NRL: variants seen among roughly 807,000 people sequenced by gnomAD.
The protein encoded by NRL is neural retina leucine zipper.
Under a neutral mutation model 12.5 loss-of-function variants are expected in NRL, and 16 were observed. The observed-to-expected ratio is 1.28, with a 90% CI of 0.87 to 1.95. The LOEUF (loss-of-function observed/expected upper bound fraction) is 1.95, where lower values mean the gene tolerates loss of function less well. Ranked by LOEUF, NRL falls within the 30% of genes most tolerant of loss-of-function variation. The probability of loss-of-function intolerance (pLI) is 0.00; values close to 1 mark genes in which losing one functional copy is unlikely to be tolerated. For synonymous variants in NRL, 142 were observed against 150.9 expected, an observed-to-expected ratio of 0.94 and a Z score of 0.43; for missense variants, 314 against 325.8, an observed-to-expected ratio of 0.96 and a Z score of 0.28.
Position 24,094,143 on chromosome 14 carries a change from T to A in NRL, c.-27-11268A>T, listed in dbSNP as rs2036737335. 1 of 543,506 alleles carries A rather than the reference T, an allele frequency of 1.8e-6. No homozygotes were observed. Among genetic ancestry groups the A allele is most frequent in the Admixed American group, 3.9e-5 (1 of 25,602 alleles). 33.7% of individuals were successfully genotyped at this position (543,506 alleles called of 1,614,324 possible). ...CCAATGGGAGAGATGGGTTTGGCGG[T>A]TTGGAGGCAGGGGTTGGGGCGGCGG... On this transcript the variant is annotated intron_variant, in intron 1 of 2. Coordinates refer to ENST00000561028, the MANE Select transcript of NRL (RefSeq NM_001354768.3). The surrounding 1 kb of genome is among the most constrained non-coding windows in gnomAD (Gnocchi z 4.1).
chr14:24,081,673 C>T lies in NRL; in HGVS notation c.382-105G>A. 1 of 1,528,862 alleles carries T rather than the reference C, an allele frequency of 6.5e-7. No individual in the cohort carries two copies. Among genetic ancestry groups the T allele is most frequent in the Non-Finnish European group, 8.8e-7 (1 of 1,138,364 alleles). 94.7% of individuals were successfully genotyped at this position (1,528,862 alleles called of 1,614,324 possible). A position where few individuals can be genotyped will look rare whatever the true frequency, so the allele number is the denominator to read the frequency against. ...CCGCCCCGGGACAGCCCCGCCCCGG[C>T]TCCCACCTTCACCGGAAGGCTCGCC... On this transcript the variant is annotated intron_variant, in intron 2 of 2. Coordinates refer to ENST00000561028, the MANE Select transcript of NRL (RefSeq NM_001354768.3). The surrounding 1 kb of genome is among the most constrained non-coding windows in gnomAD (Gnocchi z 4.4).
chr14:24,098,739 C>A, intron 1 of NRL: 1 of 1,384,490 alleles, frequency 7.2e-7, no homozygotes, highest in Non-Finnish European at 1.0e-6. Context: ...GAGGAAATCC[C>A]AAATCCTACC....
At chr14:24,088,950 G>A (rs966620834) in intron 1 of NRL, among the ~76,000 whole-genome samples, 11 of 150,480 alleles carry the variant, frequency 7.3e-5, no homozygotes, top group African/African-American at 1.7e-4. Context: ...ACAGGCACCC[G>A]CCACCATGCC....
Position 24,094,887 on chromosome 14 carries a change from A to G in NRL, c.-27-12012T>C, listed in dbSNP as rs1391081770. On this transcript the variant is annotated intron_variant, in intron 1 of 2. Coordinates refer to ENST00000561028, the MANE Select transcript of NRL (RefSeq NM_001354768.3). This position sits in a 1 kb window ranked among gnomAD's most constrained non-coding sequence, Gnocchi z 4.1. ...AGACTAAGCTCAGAGCCCCCTAAAG[A>G]AGGTGGAAGGTTAAATATCCATTCC... 1 of 1,256,514 alleles carries G rather than the reference A, an allele frequency of 8.0e-7. No individual in the cohort carries two copies. The highest frequency in any genetic ancestry group is 5.5e-5 in the East Asian group (1 of 18,146). The allele number at this position is 1,256,514 out of a possible 1,614,324, so 77.8% of individuals were successfully genotyped here.
rs1013818314 is a variant in NRL at position 24,114,803 on chromosome 14, G to C, written c.-109C>G. ...TGTGACGTTTGCAGCCCGCCGGCCA[G>C]GAAGCCGCGAGATGCGTGACGAGCG... On this transcript the variant is annotated 5_prime_UTR_variant, in exon 1 of 3. Transcript: ENST00000561028. 2.0e-5 allele frequency: 20 copies of C among 985,860 alleles called. No homozygotes were observed. The highest frequency in any genetic ancestry group is 2.3e-5 in the Non-Finnish European group (19 of 829,972). 61.1% of individuals were successfully genotyped at this position (985,860 alleles called of 1,614,324 possible). A position where few individuals can be genotyped will look rare whatever the true frequency, so the allele number is the denominator to read the frequency against.
At chr14:24,099,425 G>A (rs2037058999) in intron 1 of NRL, 3 of 1,037,532 alleles carry the variant, frequency 2.9e-6, no homozygotes, top group South Asian at 1.6e-5. Context: ...ACCCAGGCCT[G>A]ATGGCAGGGC....
chr14:24,110,141 C>T (rs937410557), intron 1 of NRL, among the ~76,000 whole-genome samples: 10 of 150,382 alleles, frequency 6.6e-5, no homozygotes, highest in Admixed American at 4.6e-4. Flanking sequence ...TTCTTTGAGA[C>T]GGGGTCTCAT....
At chr14:24,091,542 G>A (rs1420244209) in intron 1 of NRL, among the ~76,000 whole-genome samples, 2 of 152,286 alleles carry the variant, frequency 1.3e-5, no homozygotes, top group South Asian at 2.1e-4. Context: ...AAAGAGCCTG[G>A]AAGAGATTTT....
intron 1 of NRL, chr14:24,098,816 C>A: frequency 1.3e-6 from 1 of 782,516 alleles, no homozygotes; most frequent in South Asian, 1.6e-5. Flanking sequence ...GCAGCAGTCC[C>A]AGCAGAGGGA....
chr14:24,090,405 C>T (rs2036589921), intron 1 of NRL, among the ~76,000 whole-genome samples: 2 of 151,952 alleles, frequency 1.3e-5, no homozygotes, highest in African/African-American at 4.8e-5. Context: ...TCAGAGTTGT[C>T]CCAAACTGAG....
chr14:24,102,965 TCCAGAGCCTCAG>T (rs1350453102), intron 1 of NRL: 1 of 1,457,298 alleles, frequency 6.9e-7, no homozygotes, highest in African/African-American at 1.4e-5. Context: ...CTCCCTCTGA[TCCAGAGCCTCAG>T]CCTGGATCTC....
chr14:24,089,229 G>A (rs957528940), intron 1 of NRL, among the ~76,000 whole-genome samples: 1 of 151,206 alleles, frequency 6.6e-6, no homozygotes, highest in South Asian at 2.1e-4. Context: ...GAGCCACTGC[G>A]CCGACCCTGA....
At chr14:24,098,003 C>A (rs2036969126) in intron 1 of NRL, among the ~76,000 whole-genome samples, 1 of 151,398 alleles carries the variant, frequency 6.6e-6, no homozygotes, top group Admixed American at 6.6e-5. Flanking sequence ...TTGCCAGGGG[C>A]AGAGACCCCC....
chr14:24,096,053 C>G (rs1342871388), intron 1 of NRL, among the ~76,000 whole-genome samples: 3 of 152,038 alleles, frequency 2.0e-5, no homozygotes, highest in Non-Finnish European at 4.4e-5. Context: ...CTTTCATAGT[C>G]TTACAGCATA....
chr14:24,084,777 G>T, intron 1 of NRL: 1 of 882,528 alleles, frequency 1.1e-6, no homozygotes, highest in Non-Finnish European at 1.4e-6. Flanking sequence ...AGAGAGGAGA[G>T]TACAAGTGTG....
At chr14:24,096,525 G>A (rs1394640894) in intron 1 of NRL, among the ~76,000 whole-genome samples, 3 of 151,980 alleles carry the variant, frequency 2.0e-5, no homozygotes, top group Non-Finnish European at 2.9e-5. Context: ...ATGAGCCACC[G>A]TGCCCAGCCA....
Position 24,079,275 on chromosome 14 carries a change from T to C in NRL, c.*1961A>G, listed in dbSNP as rs533125693. 2.4e-4 allele frequency among the ~76,000 whole-genome samples: 37 copies of C among 152,230 alleles called. 1 individual carries two copies. Among genetic ancestry groups the C allele is most frequent in the African/African-American group, 8.7e-4 (36 of 41,538 alleles). ...AGGTGAGAAAAGTGAACAAGAAAAG[T>C]AGTGGGTCTGAATTACAGCTCCAGG... On this transcript the variant is annotated 3_prime_UTR_variant, in exon 3 of 3. Transcript: ENST00000561028.
intron 1 of NRL, among the ~76,000 whole-genome samples, chr14:24,101,689 G>A (rs536251206): frequency 2.0e-5 from 3 of 152,284 alleles, no homozygotes; most frequent in African/African-American, 2.4e-5. Flanking sequence ...TTGGGAGGCC[G>A]AGGCAGTTGG....
intron 1 of NRL, chr14:24,099,893 G>T: frequency 1.2e-6 from 2 of 1,601,990 alleles, no homozygotes; most frequent in Non-Finnish European, 1.7e-6. Flanking sequence ...ATCAGATCTT[G>T]GGTCCATCTC....
Sources: gnomAD v4.1 joint callset for allele counts (sites outside exome capture counted in the v4.1 genomes callset) on GRCh38, gnomAD v4.1.1 for gene constraint, Gnocchi (gnomAD v3.1) non-coding constraint, MANE v1.5 for transcripts, NCBI Gene and HGNC (gene_info 2026-07-23, HGNC 2026-07-21) for gene names.